SUCLA2: variants seen among roughly 807,000 people sequenced by gnomAD.
SUCLA2 encodes the protein succinate-CoA ligase ADP-forming subunit beta.
In SUCLA2, 30 loss-of-function variants were observed where a neutral mutation model predicts 54.8. The observed-to-expected ratio is 0.55, with a 90% CI of 0.41 to 0.74. SUCLA2 has a LOEUF of 0.74. SUCLA2 is among the 30% of genes least tolerant of loss of function. The probability of loss-of-function intolerance (pLI) is 0.00; values close to 1 mark genes in which losing one functional copy is unlikely to be tolerated. For synonymous variants in SUCLA2, 172 were observed against 188.9 expected, an observed-to-expected ratio of 0.91 and a Z score of 0.74; for missense variants, 476 against 562.9, an observed-to-expected ratio of 0.85 and a Z score of 1.56.
intron 5 of SUCLA2, among the ~76,000 whole-genome samples, chr13:47,969,261 A>T (rs1310780206): frequency 4.6e-5 from 7 of 152,058 alleles, no homozygotes; most frequent in Non-Finnish European, 1.0e-4. Context: ...AAAAGCCAAA[A>T]TATTAGAAGA....
intron 1 of SUCLA2, among the ~76,000 whole-genome samples, chr13:47,997,965 C>T (rs1950202627): frequency 6.6e-6 from 1 of 152,170 alleles, no homozygotes; most frequent in Admixed American, 6.5e-5. Context: ...TCAGTTGATT[C>T]TTAAGAACCC....
At chr13:47,949,698 A>G in intron 8 of SUCLA2, 95 bp from the exon 9 acceptor site, 6 of 1,298,822 alleles carry the variant, frequency 4.6e-6, no homozygotes, top group Non-Finnish European at 6.6e-6. Context: ...GATAAACATT[A>G]ACTTGATAGA....
rs1566093987 is a variant in SUCLA2 at position 47,996,977 on chromosome 13, T to A, written c.137A>T (p.Gln46Leu). ...GLFNNHGLQV[Q>L]QQQQRNLSLH... The stretch of plus-strand genomic sequence containing the variant: ...TGAGAGATTCCTTTGCTGTTGCTGC[T>A]GTACTTGGAGTCCATGGTTATTAAA... The change falls in exon 2 of 11, where the codon CAG becomes CTG. Residue 46 changes from glutamine to leucine, a missense_variant. Around this residue, in one of 2 missense-constraint regions of SUCLA2, gnomAD observed 134 missense variants for 118.7 expected, o/e 1.13. Coordinates refer to ENST00000646932, the MANE Select transcript of SUCLA2 (RefSeq NM_003850.3). 1 of 1,614,154 alleles carries A rather than the reference T, an allele frequency of 6.2e-7. No homozygotes were observed. Among genetic ancestry groups the A allele is most frequent in the Admixed American group, 1.7e-5 (1 of 60,016 alleles).
chr13:47,984,341 C>G (rs1950082873), intron 4 of SUCLA2, among the ~76,000 whole-genome samples: 1 of 145,878 alleles, frequency 6.9e-6, no homozygotes, highest in African/African-American at 2.5e-5. Context: ...CTACAGGCAC[C>G]CCCCACCACG....
chr13:47,970,648 T>C (rs151091707), intron 5 of SUCLA2, among the ~76,000 whole-genome samples: 1 of 151,900 alleles, frequency 6.6e-6, no homozygotes, highest in African/African-American at 2.4e-5. Flanking sequence ...GATCATGAAG[T>C]TAGGAGTTTG....
chr13:47,988,439 T>G, intron 4 of SUCLA2, 102 bp downstream of exon 4: 1 of 1,346,108 alleles, frequency 7.4e-7, no homozygotes, highest in East Asian at 2.3e-5. Flanking sequence ...GATTATAATT[T>G]GTACTTTTAA....
intron 10 of SUCLA2, 137 bp downstream of exon 10, chr13:47,948,803 T>G: frequency 1.2e-6 from 1 of 852,658 alleles, no homozygotes; most frequent in Non-Finnish European, 2.0e-6. Context: ...GCAAGAGTCA[T>G]GAATAATCGT....
chr13:47,991,668 AT>A (rs1950150043), intron 2 of SUCLA2: 2 of 152,376 alleles, frequency 1.3e-5, no homozygotes, highest in South Asian at 4.1e-4. Context: ...TTCCTAGCAC[AT>A]AATATTTTGC....
At chr13:47,945,953 T>A (rs1484230304) in intron 10 of SUCLA2, 1 of 152,224 alleles carries the variant, frequency 6.6e-6, no homozygotes, top group African/African-American at 2.4e-5. Context: ...ACAATCAACA[T>A]CATGGCTCAA....
intron 2 of SUCLA2, among the ~76,000 whole-genome samples, chr13:47,990,698 A>C (rs1950143157): frequency 6.6e-6 from 1 of 152,162 alleles, no homozygotes; most frequent in East Asian, 1.9e-4. Context: ...GGATTTGAAC[A>C]GACTGAAGTA....
chr13:47,975,352 G>C (rs991972062), intron 4 of SUCLA2, among the ~76,000 whole-genome samples: 4 of 151,418 alleles, frequency 2.6e-5, no homozygotes, highest in Admixed American at 6.6e-5. Flanking sequence ...GTAGAGACAG[G>C]GTTTTACCAT....
chr13:47,969,878 G>A (rs528757196), intron 5 of SUCLA2, among the ~76,000 whole-genome samples: 1 of 152,256 alleles, frequency 6.6e-6, no homozygotes, highest in Admixed American at 6.5e-5. Context: ...AAAGAGGGCG[G>A]ATCACTTGAA....
chr13:47,977,839 T>C (rs1462139900), intron 4 of SUCLA2, among the ~76,000 whole-genome samples: 2 of 152,158 alleles, frequency 1.3e-5, no homozygotes, highest in Middle Eastern at 3.2e-3. Context: ...AAAATCAATG[T>C]GCAAAAATCA....
At chr13:47,986,029 GTTTTTTT>G (rs36000556) in intron 4 of SUCLA2, among the ~76,000 whole-genome samples, 55 of 122,218 alleles carry the variant, frequency 4.5e-4, no homozygotes, top group Admixed American at 3.7e-3. Context: ...CATATGTATA[GTTTTTTT>G]TTTTTTTTTT....
At chr13:47,989,969 T>G (rs952805665) in intron 2 of SUCLA2, among the ~76,000 whole-genome samples, 5 of 152,236 alleles carry the variant, frequency 3.3e-5, no homozygotes, top group Non-Finnish European at 7.3e-5. Flanking sequence ...TGATTACTAT[T>G]TATCCCTTTT....
At chr13:47,972,613 G>A (rs538935873) in intron 5 of SUCLA2, among the ~76,000 whole-genome samples, 9 of 147,788 alleles carry the variant, frequency 6.1e-5, no homozygotes, top group Admixed American at 2.7e-4. Flanking sequence ...AGGTTGTGAT[G>A]AGCCAAGATG....
chr13:47,950,070 T>C (rs1260023690), intron 8 of SUCLA2, among the ~76,000 whole-genome samples: 7 of 152,228 alleles, frequency 4.6e-5, no homozygotes, highest in Admixed American at 1.3e-4. Flanking sequence ...TGACTAATGT[T>C]TGACTCCTGC....
intron 8 of SUCLA2, among the ~76,000 whole-genome samples, chr13:47,950,676 T>C (rs1220629438): frequency 3.3e-5 from 5 of 152,160 alleles, no homozygotes; most frequent in Admixed American, 3.3e-4. Context: ...AAAAGAGGTT[T>C]AGTTCACTCA....
intron 6 of SUCLA2, among the ~76,000 whole-genome samples, chr13:47,963,657 CAA>C (rs57458473): frequency 6.0e-5 from 9 of 149,470 alleles, no homozygotes; most frequent in East Asian, 3.9e-4. Context: ...AACAAACAAA[CAA>C]AAAAAAAAAC....
Sources: allele counts gnomAD v4.1 joint callset (sites outside exome capture counted in the v4.1 genomes callset), GRCh38; gene constraint gnomAD v4.1.1; regional missense constraint gnomAD v4.1.1; transcripts MANE v1.5; gene names NCBI Gene and HGNC (gene_info 2026-07-23, HGNC 2026-07-21).